Variants in MYO9B observed in about 807,000 individuals in gnomAD.
The protein encoded by MYO9B is myosin IXB, also known as unconventional myosin-IXb.
A neutral mutation model predicts 229.5 loss-of-function variants in MYO9B; 71 were observed. That is an observed-to-expected ratio of 0.31 (90% CI 0.26 to 0.38). MYO9B has a LOEUF of 0.38. Ranked by LOEUF, MYO9B falls within the 10% of genes least tolerant of loss-of-function variation. The pLI is 1.00. For synonymous variants in MYO9B, 1,185 were observed against 1,235.8 expected, an observed-to-expected ratio of 0.96 and a Z score of 0.86; for missense variants, 2,255 against 2,920.5, an observed-to-expected ratio of 0.77 and a Z score of 5.25.
At position 17,172,298 on chromosome 19, in the gene MYO9B, C is replaced by G; in HGVS notation, c.1794-38C>G. 1 of 1,611,358 alleles carries G rather than the reference C, an allele frequency of 6.2e-7. No individual in the cohort carries two copies. Among genetic ancestry groups the G allele is most frequent in the Non-Finnish European group, 8.5e-7 (1 of 1,178,190 alleles). ...AAATACACAGCAGGTAAATCAGCCG[C>G]TGTTCATGCCTGCAAAGGTTCCATG... On this transcript the variant is annotated intron_variant, in intron 11 of 39. Coordinates refer to ENST00000682292, the MANE Select transcript of MYO9B (RefSeq NM_004145.4). The surrounding 1 kb of genome is among the most constrained non-coding windows in gnomAD (Gnocchi z 8.2).
rs765871809 is a variant in MYO9B, at chr19:17,201,892, G to C, written c.4564-34G>C. The C allele has an allele frequency of 9.0e-6, 14 of 1,562,498 alleles. No individual in the cohort carries two copies. In the South Asian group the frequency reaches 1.6e-4, roughly 18 times the overall value. ...CTCGGGTACGCAGGTCCCCAGGCCT[G>C]AGGCACGCAGGGTCAGTTCCTCTCC... is the stretch of plus-strand genomic sequence containing the variant. On this transcript the variant is annotated intron_variant, in intron 26 of 39. Transcript: ENST00000682292.
chr19:17,160,156 C>T (rs1051722084), intron 8 of MYO9B, among the ~76,000 whole-genome samples: 3 of 152,166 alleles, frequency 2.0e-5, no homozygotes. Context: ...TACCTAATCA[C>T]GGCAGGGATT....
rs1316022207 is a variant in MYO9B at position 17,211,664 on chromosome 19, G to A, written c.5948G>A (p.Arg1983Gln). The stretch of plus-strand genomic sequence containing the variant: ...TCCTCCAGGGAGGACATCACCTACC[G>A]GCTGCCGGAGCTGGACCCAAGGGGC... Reference protein sequence around the residue: ...IKEEKEDITYRLPELDPRGSD... With the variant: ...IKEEKEDITYQLPELDPRGSD... The change falls in exon 39 of 40, where the codon CGG (arginine) becomes CAG (glutamine). Residue 1983 changes from arginine to glutamine, a missense_variant. By Grantham distance (43) the Arg-to-Gln change is conservative. Transcript: ENST00000682292. The A allele has an allele frequency of 2.5e-6, 4 of 1,606,930 alleles. No individual in the cohort carries two copies. Among genetic ancestry groups the A allele is most frequent in the South Asian group, 1.1e-5 (1 of 90,734 alleles).
rs1254361716 is a variant in MYO9B at position 17,162,980 on chromosome 19, T to C, written c.1537-8T>C. ...GCGGGCAGTGACCATTTTCTCTGTC[T>C]CTCCCAGTGCCTGTCCATTGGGGTC... On this transcript the variant is annotated splice_region_variant and splice_polypyrimidine_tract_variant and intron_variant, in intron 9 of 39. Transcript: ENST00000682292. 4 of 1,608,228 alleles carry C rather than the reference T, an allele frequency of 2.5e-6. No individual in the cohort carries two copies. Among genetic ancestry groups the C allele is most frequent in the Middle Eastern group, 1.7e-4 (1 of 5,972 alleles).
chr19:17,132,485 C>T (rs1423407598), intron 2 of MYO9B, among the ~76,000 whole-genome samples: 1 of 145,080 alleles, frequency 6.9e-6, no homozygotes. Context: ...AGTGCCAGGC[C>T]TTATTTTATT....
At chr19:17,130,916 G>A (rs1193984824) in intron 2 of MYO9B, among the ~76,000 whole-genome samples, 3 of 152,102 alleles carry the variant, frequency 2.0e-5, no homozygotes, top group East Asian at 1.9e-4. Context: ...ATAAAATCCA[G>A]TTTCAGCTGA....
In MYO9B at chr19:17,209,695, C is replaced by T. The variant is rs373661534; in HGVS notation, c.5734C>T (p.Leu1912=). 251 of 1,613,670 alleles carry T rather than the reference C, an allele frequency of 1.6e-4. No homozygotes were observed. Among genetic ancestry groups the T allele is most frequent in the South Asian group, 7.8e-4 (71 of 91,038 alleles). ...TATCGCCTTCCGCAGGCTTTCGCTC[C>T]TGCGACAAAATGCTGTGAGTACCGG... ...ESIAFRRLSL[L]RQNAPWPLKL... The change falls in exon 36 of 40, where the codon CTG becomes TTG. Residue 1912 remains leucine (L), a synonymous_variant. Transcript: ENST00000682292.
At chr19:17,076,100 T>G (rs145388535) in intron 1 of MYO9B, among the ~76,000 whole-genome samples, 5 of 134,944 alleles carry the variant, frequency 3.7e-5, no homozygotes, top group South Asian at 2.5e-4. Flanking sequence ...TTCGAGGGCG[T>G]GGGGGGGGTG....
chr19:17,089,342 G>A lies in MYO9B; in HGVS notation c.-58-12318G>A, dbSNP rs556903057. Among the ~76,000 whole-genome samples, 8 of 152,054 alleles carry A rather than the reference G, an allele frequency of 5.3e-5. No homozygotes were observed. In the South Asian group the frequency reaches 1.0e-3, roughly 20 times the overall value. On this transcript the variant is annotated intron_variant, in intron 1 of 39. Transcript: ENST00000682292. Reference sequence around the variant, plus strand: ...ATGTGAAATGCACTGAATGCTGCACGATGCATCCTAAATGAGTCTGCTGTA... The same window carrying A: ...ATGTGAAATGCACTGAATGCTGCACAATGCATCCTAAATGAGTCTGCTGTA...
chr19:17,206,597 G>T, intron 33 of MYO9B, 82 bp from the exon 34 acceptor site: 1 of 1,355,908 alleles, frequency 7.4e-7, no homozygotes, highest in Non-Finnish European at 1.0e-6. Context: ...TGGCACCTGT[G>T]CATCTCAGGT....
chr19:17,153,012 C>T (rs567301277), intron 4 of MYO9B, among the ~76,000 whole-genome samples: 5 of 152,282 alleles, frequency 3.3e-5, no homozygotes, highest in South Asian at 2.1e-4. Flanking sequence ...CATGGTAGCA[C>T]GTGCCTGTAG....
intron 2 of MYO9B, among the ~76,000 whole-genome samples, chr19:17,117,047 T>C (rs866398034): frequency 1.3e-5 from 2 of 152,116 alleles, no homozygotes; most frequent in Admixed American, 1.3e-4. Context: ...CCTTGGAATT[T>C]GGAGAAAGTT....
chr19:17,207,204 G>C lies in MYO9B; in HGVS notation c.5584G>C (p.Asp1862His), dbSNP rs754430125. 1 of 1,601,224 alleles carries C rather than the reference G, an allele frequency of 6.2e-7. No individual in the cohort carries two copies. Among genetic ancestry groups the C allele is most frequent in the African/African-American group, 1.3e-5 (1 of 74,644 alleles). The change falls in exon 35 of 40, where the codon GAC becomes CAC. Residue 1862 changes from aspartate (D) to histidine (H), a missense_variant. Asp to His is a moderately conservative substitution (Grantham distance 81, BLOSUM62 -1). Coordinates refer to ENST00000682292, the MANE Select transcript of MYO9B (RefSeq NM_004145.4). ...CCTCCTGCGCTGCCCTGACAACTCGGACCCGCTGACCAGCATGAAGGACGT... is the reference window on the plus strand; with the variant it reads ...CCTCCTGCGCTGCCCTGACAACTCGCACCCGCTGACCAGCATGAAGGACGT... Reference protein sequence around the residue: ...PCLLRCPDNSDPLTSMKDVLK... With the variant: ...PCLLRCPDNSHPLTSMKDVLK...
chr19:17,151,172 G>A lies in MYO9B; in HGVS notation c.936-1472G>A, dbSNP rs531467444. Among the ~76,000 whole-genome samples, 412 of 152,124 alleles carry A rather than the reference G, an allele frequency of 2.7e-3. 5 individuals carry two copies. The highest frequency in any genetic ancestry group is 3.5e-3 in the Non-Finnish European group (239 of 68,004). Reference sequence around the variant, plus strand: ...TGGGCGCCTGTAATCTCAGCTACTGGAAGGCTGAGGCAGGAGAATTGCTTG... The same window carrying A: ...TGGGCGCCTGTAATCTCAGCTACTGAAAGGCTGAGGCAGGAGAATTGCTTG... On this transcript the variant is annotated intron_variant, in intron 3 of 39. Coordinates refer to ENST00000682292, the MANE Select transcript of MYO9B (RefSeq NM_004145.4).
At chr19:17,180,341 AT>A (rs776734202) in intron 14 of MYO9B, among the ~76,000 whole-genome samples, 33,872 of 87,062 alleles carry the variant, frequency 0.39, 8,705 homozygotes, top group East Asian at 0.62. Context: ...GATGGAAATA[AT>A]TTTTTTTTTT....
In MYO9B at chr19:17,198,274, G is replaced by A. The variant is rs765902826; in HGVS notation, c.4204G>A (p.Ala1402Thr). The A allele has an allele frequency of 2.9e-5, 47 of 1,613,798 alleles. No homozygotes were observed. The highest frequency in any genetic ancestry group is 1.6e-4 in the Middle Eastern group (1 of 6,084). The change falls in exon 24 of 40, where the codon GCA (alanine) becomes ACA (threonine). Residue 1402 changes from alanine to threonine, a missense_variant. Transcript: ENST00000682292. Reference protein sequence around the residue: ...KPGDASSLPDAGLSPGSQVDS... With the variant: ...KPGDASSLPDTGLSPGSQVDS... Reference sequence around the variant, plus strand: ...AGGCGACGCATCCTCCCTCCCAGACGCAGGGCTGTCCCCGGGCTCTCAGGT... The same window carrying A: ...AGGCGACGCATCCTCCCTCCCAGACACAGGGCTGTCCCCGGGCTCTCAGGT...
Position 17,202,854 on chromosome 19 carries a change from CAGA to C in MYO9B, c.4858_4860del (p.Lys1620del), listed in dbSNP as rs746833782. On this transcript the variant is annotated inframe_deletion, in exon 29 of 40. Coordinates refer to ENST00000682292, the MANE Select transcript of MYO9B (RefSeq NM_004145.4). ...GTGTTCCTCACAGCAGAGCAAAGCT[CAGA>C]AGAAGAAGCGGAAGCAGGAGCGTGC... is the stretch of plus-strand genomic sequence containing the variant. 5.0e-6 allele frequency: 8 copies of C among 1,600,408 alleles called. No individual in the cohort carries two copies. The highest frequency in any genetic ancestry group is 2.3e-5 in the South Asian group (2 of 88,636).
chr19:17,130,931 C>T (rs1338208014), intron 2 of MYO9B, among the ~76,000 whole-genome samples: 2 of 152,164 alleles, frequency 1.3e-5, no homozygotes, highest in East Asian at 3.8e-4. Flanking sequence ...AGCTGAGACC[C>T]TGCTAAGTCA....
intron 2 of MYO9B, among the ~76,000 whole-genome samples, chr19:17,132,022 G>T (rs2072202627): frequency 6.6e-6 from 1 of 151,668 alleles, no homozygotes. Flanking sequence ...TGGGACTAGA[G>T]GCATGCATCA....
Sources: allele counts gnomAD v4.1 joint callset (sites outside exome capture counted in the v4.1 genomes callset), GRCh38; gene constraint gnomAD v4.1.1; non-coding constraint Gnocchi (gnomAD v3.1); transcripts MANE v1.5; gene names NCBI Gene and HGNC (gene_info 2026-07-23, HGNC 2026-07-21).